NKAIN2: variants seen among roughly 807,000 people sequenced by gnomAD.
NKAIN2 encodes the protein sodium/potassium-transporting ATPase subunit beta-1-interacting protein 2.
NKAIN2 carries 14 observed loss-of-function variants against 32.6 expected under a neutral mutation model. The ratio of observed to expected loss-of-function variants is 0.43; its 90% CI spans 0.28 to 0.67. NKAIN2 has a LOEUF of 0.67. Among genes scored for constraint, NKAIN2 ranks in the 30% least tolerant of loss-of-function variants. The pLI is 0.17. For synonymous variants in NKAIN2, 80 were observed against 87.2 expected (o/e 0.92, Z 0.46); for missense variants, 198 against 258.3 (o/e 0.77, Z 1.60).
At chr6:124,573,510 G>C (rs957585903) in intron 3 of NKAIN2, among the ~76,000 whole-genome samples, 5 of 151,366 alleles carry the variant, frequency 3.3e-5, no homozygotes, top group African/African-American at 1.2e-4. Context: ...TCTTCTTGGT[G>C]GTGGAGCCTT....
chr6:124,328,428 A>G (rs1797506114), intron 2 of NKAIN2, among the ~76,000 whole-genome samples: 1 of 152,132 alleles, frequency 6.6e-6, no homozygotes, highest in African/African-American at 2.4e-5. Context: ...GTTCTGTGGA[A>G]TCTCATTTTG....
chr6:124,524,894 C>T (rs545641701), intron 3 of NKAIN2, among the ~76,000 whole-genome samples: 1 of 152,290 alleles, frequency 6.6e-6, no homozygotes, highest in Non-Finnish European at 1.5e-5. Context: ...CTAGATATAC[C>T]TTCCGTATAT....
intron 1 of NKAIN2, among the ~76,000 whole-genome samples, chr6:124,270,417 GA>G (rs550399568): frequency 2.4e-3 from 366 of 149,388 alleles, no homozygotes; most frequent in African/African-American, 8.1e-3. Context: ...CAGCTTTTCA[GA>G]AAAAAAAAAT....
intron 4 of NKAIN2, among the ~76,000 whole-genome samples, chr6:124,735,716 T>C (rs1776903327): frequency 6.6e-6 from 1 of 151,938 alleles, no homozygotes; most frequent in African/African-American, 2.4e-5. Context: ...GTATCTGTTA[T>C]GGTGATCTGT....
intron 3 of NKAIN2, among the ~76,000 whole-genome samples, chr6:124,570,089 C>A (rs1430655484): frequency 2.0e-5 from 3 of 152,022 alleles, no homozygotes; most frequent in Non-Finnish European, 4.4e-5. Flanking sequence ...TAGCCCCTGC[C>A]CTAGAGATTT....
intron 3 of NKAIN2, among the ~76,000 whole-genome samples, chr6:124,533,688 G>T (rs971212808): frequency 6.6e-6 from 1 of 152,104 alleles, no homozygotes; most frequent in Admixed American, 6.5e-5. Flanking sequence ...TCAGCATACA[G>T]ATGTTCATTC....
chr6:124,457,717 C>T (rs146580723), intron 3 of NKAIN2, among the ~76,000 whole-genome samples: 6 of 152,046 alleles, frequency 3.9e-5, no homozygotes, highest in Admixed American at 2.0e-4. Context: ...CACTGTTTCT[C>T]ATGATGGCCC....
chr6:124,757,839 C>T (rs1276285724), intron 4 of NKAIN2, among the ~76,000 whole-genome samples: 1 of 152,086 alleles, frequency 6.6e-6, no homozygotes, highest in African/African-American at 2.4e-5. Context: ...AGAATGGGCT[C>T]AAATAGGAAA....
At chr6:123,835,086 G>A (rs1774559628) in intron 1 of NKAIN2, among the ~76,000 whole-genome samples, 1 of 152,170 alleles carries the variant, frequency 6.6e-6, no homozygotes, top group Non-Finnish European at 1.5e-5. Flanking sequence ...TAGAAGGAAT[G>A]AGAAGTATTC....
At chr6:124,266,718 C>G (rs1057335674) in intron 1 of NKAIN2, among the ~76,000 whole-genome samples, 8 of 152,158 alleles carry the variant, frequency 5.3e-5, no homozygotes, top group African/African-American at 1.9e-4. Context: ...TGTAATGTTG[C>G]TTAGCATAGT....
At chr6:124,484,271 A>G (rs141321438) in intron 3 of NKAIN2, among the ~76,000 whole-genome samples, 3 of 152,356 alleles carry the variant, frequency 2.0e-5, no homozygotes, top group East Asian at 1.9e-4. Flanking sequence ...TAGAATCCTC[A>G]GGACCATTGG....
intron 3 of NKAIN2, among the ~76,000 whole-genome samples, chr6:124,625,186 A>T (rs1043602048): frequency 7.0e-4 from 92 of 130,956 alleles, no homozygotes; most frequent in Non-Finnish European, 1.2e-3. Context: ...TATCAAAGAA[A>T]GAATATGAAC....
intron 2 of NKAIN2, among the ~76,000 whole-genome samples, chr6:124,318,546 T>A (rs2115018337): frequency 6.6e-6 from 1 of 152,172 alleles, no homozygotes; most frequent in Middle Eastern, 3.4e-3. Context: ...TGTATCCCTC[T>A]TCTATCATTT....
chr6:123,805,503 T>C (rs1773177976), intron 1 of NKAIN2, among the ~76,000 whole-genome samples: 1 of 152,208 alleles, frequency 6.6e-6, no homozygotes, highest in Non-Finnish European at 1.5e-5. Flanking sequence ...TGGTGTCTAT[T>C]TTGATCTGTG....
rs111605515 is a variant in NKAIN2, at chr6:123,824,730, T to TAA, written c.54+20487_54+20488dup. Reference sequence around the variant, plus strand: ...ACACATGTATCCCAGAACTTAAAATTAAAAAAAAAAAAGAAAAAGAAAAAA... The same window carrying TAA: ...ACACATGTATCCCAGAACTTAAAATTAAAAAAAAAAAAAAGAAAAAGAAAAAA... On this transcript the variant is annotated intron_variant, in intron 1 of 6. Coordinates refer to ENST00000368417, the MANE Select transcript of NKAIN2 (RefSeq NM_001040214.3). Among the ~76,000 whole-genome samples the TAA allele has an allele frequency of 8.2e-3, 1,158 of 141,768 alleles. 15 individuals carry two copies. The highest frequency in any genetic ancestry group is 0.028 in the African/African-American group (1,082 of 39,048). 93.0% of individuals were successfully genotyped at this position (141,768 alleles called of 152,430 possible). A position where few individuals can be genotyped will look rare whatever the true frequency, so the allele number is the denominator to read the frequency against.
chr6:124,507,476 T>C (rs1778531620), intron 3 of NKAIN2, among the ~76,000 whole-genome samples: 1 of 152,168 alleles, frequency 6.6e-6, no homozygotes, highest in African/African-American at 2.4e-5. Context: ...TTATGGTGGT[T>C]TTTTGCTTGG....
At chr6:124,808,415 CT>C (rs1204242278) in intron 5 of NKAIN2, among the ~76,000 whole-genome samples, 1 of 152,148 alleles carries the variant, frequency 6.6e-6, no homozygotes, top group Non-Finnish European at 1.5e-5. Context: ...CAGAAAAGGC[CT>C]TTGACAAAAT....
intron 3 of NKAIN2, among the ~76,000 whole-genome samples, chr6:124,470,240 G>C (rs570893269): frequency 6.6e-6 from 1 of 152,216 alleles, no homozygotes; most frequent in African/African-American, 2.4e-5. Flanking sequence ...GGTGAGAGAC[G>C]AGGCAGGAGA....
At chr6:124,608,858 A>G (rs150168837) in intron 3 of NKAIN2, among the ~76,000 whole-genome samples, 1 of 152,186 alleles carries the variant, frequency 6.6e-6, no homozygotes, top group Non-Finnish European at 1.5e-5. Flanking sequence ...CCTGTGGACT[A>G]TAATTCTCCA....
Sources: allele counts gnomAD v4.1 joint callset (sites outside exome capture counted in the v4.1 genomes callset), GRCh38; gene constraint gnomAD v4.1.1; transcripts MANE v1.5; gene names NCBI Gene and HGNC (gene_info 2026-07-23, HGNC 2026-07-21).